Variants in NEDD8 observed in about 807,000 individuals in gnomAD.
NEDD8 encodes ubiquitin-like protein NEDD8.
In NEDD8, 1 loss-of-function variant was observed where a neutral mutation model predicts 13.8. The ratio of observed to expected loss-of-function variants is 0.07; its 90% CI spans 0.03 to 0.34. The LOEUF is 0.34. Among genes scored for constraint, NEDD8 ranks in the 10% least tolerant of loss-of-function variants. The pLI, the probability that NEDD8 is intolerant of heterozygous loss-of-function variation, is 0.99. For synonymous variants in NEDD8, 31 were observed against 33.2 expected (o/e 0.93, Z 0.23); for missense variants, 10 against 95.2 (o/e 0.10, Z 3.73).
intron 1 of NEDD8, among the ~76,000 whole-genome samples, chr14:24,229,711 C>G (rs1056758753): frequency 6.6e-6 from 1 of 152,158 alleles, no homozygotes; most frequent in Non-Finnish European, 1.5e-5. Flanking sequence ...GTACAAAACA[C>G]TTAGCATTAG....
intron 1 of NEDD8, among the ~76,000 whole-genome samples, chr14:24,219,246 G>C (rs535247287): frequency 7.3e-5 from 11 of 151,636 alleles, no homozygotes; most frequent in African/African-American, 1.9e-4. Context: ...AGGATCACTT[G>C]AGCCTAGGAG....
At position 24,217,196 on chromosome 14, in the gene NEDD8, G is replaced by A. The variant is rs778564086; in HGVS notation, c.177C>T (p.Tyr59=). 1 of 1,613,484 alleles carries A rather than the reference G, an allele frequency of 6.2e-7. No homozygotes were observed. The highest frequency in any genetic ancestry group is 8.5e-7 in the Non-Finnish European group (1 of 1,179,764). The change falls in exon 4 of 4, where the codon TAC becomes TAT. Residue 59 remains tyrosine, a synonymous_variant. Transcript: ENST00000250495. ...GAAGGACTGAACCACCTAAAATCTT[G>A]TAATCAGCTGCTGTCTTCTCATCAT... ...QMNDEKTAAD[Y]KILGGSVLHL...
At chr14:24,230,616 CTTTTT>C (rs751786098) in intron 1 of NEDD8, among the ~76,000 whole-genome samples, 1 of 136,380 alleles carries the variant, frequency 7.3e-6, no homozygotes, top group Admixed American at 7.3e-5. Flanking sequence ...CTCTCTCTTT[CTTTTT>C]TTTTTTTGCA....
chr14:24,227,970 C>A (rs556570630), intron 1 of NEDD8: 1 of 152,358 alleles, frequency 6.6e-6, no homozygotes, highest in South Asian at 2.1e-4. Context: ...GTGGCATGTA[C>A]CTGTAGTCCC....
chr14:24,221,194 C>T (rs539505577), intron 1 of NEDD8, among the ~76,000 whole-genome samples: 10 of 152,200 alleles, frequency 6.6e-5, no homozygotes, highest in African/African-American at 1.4e-4. Flanking sequence ...TGTTAATGTC[C>T]TTTCAGAGAA....
In NEDD8 at chr14:24,232,365, T is replaced by TTGGACTTTTGAGTTAATG; in HGVS notation, c.-99_-98insCATTAACTCAAAAGTCCA. 1 of 1,253,974 alleles carries TTGGACTTTTGAGTTAATG rather than the reference T, an allele frequency of 8.0e-7. No homozygotes were observed. The highest frequency in any genetic ancestry group is 1.6e-5 in the African/African-American group (1 of 63,564). 77.7% of individuals were successfully genotyped at this position (1,253,974 alleles called of 1,614,324 possible). ...AGCACTCTTGCCTGCAAGGGCCACT[T>TTGGACTTTTGAGTTAATG]CTACTTCCGGGTCACTGTCTGGCTC... is the stretch of plus-strand genomic sequence containing the variant. On this transcript the variant is annotated 5_prime_UTR_variant, in exon 1 of 4. Coordinates refer to ENST00000250495, the MANE Select transcript of NEDD8 (RefSeq NM_006156.3).
intron 1 of NEDD8, chr14:24,231,515 GTC>G (rs1419160006): frequency 1.3e-5 from 2 of 149,354 alleles, no homozygotes; most frequent in Admixed American, 6.7e-5. Flanking sequence ...GTCTCTGTCT[GTC>G]TGAAGGCACA....
intron 1 of NEDD8, among the ~76,000 whole-genome samples, chr14:24,224,498 G>A (rs2039858845): frequency 6.6e-6 from 1 of 152,196 alleles, no homozygotes; most frequent in African/African-American, 2.4e-5. Flanking sequence ...ACCCGGCTAA[G>A]TTTCAGTTTT....
intron 1 of NEDD8, among the ~76,000 whole-genome samples, chr14:24,222,684 T>A (rs2039826359): frequency 6.6e-6 from 1 of 152,214 alleles, no homozygotes; most frequent in Non-Finnish European, 1.5e-5. Flanking sequence ...TTAATATTTT[T>A]AAACCCAACA....
chr14:24,221,381 A>T (rs771528562), intron 1 of NEDD8, among the ~76,000 whole-genome samples: 21 of 151,104 alleles, frequency 1.4e-4, no homozygotes, highest in Middle Eastern at 3.4e-3. Flanking sequence ...TACTGGGCTC[A>T]GGTGATCCCC....
intron 1 of NEDD8, chr14:24,228,843 G>A (rs1288640269): frequency 6.7e-6 from 1 of 148,240 alleles, no homozygotes; most frequent in Non-Finnish European, 1.5e-5. Flanking sequence ...GCTATCTCAT[G>A]TGTAACTACT....
intron 2 of NEDD8, 27 bp from the exon 3 acceptor site, chr14:24,218,242 T>A: frequency 6.2e-7 from 1 of 1,614,164 alleles, no homozygotes; most frequent in Non-Finnish European, 8.5e-7. Flanking sequence ...AGTCAGGGGC[T>A]GCTGCTTAGG....
Position 24,232,318 on chromosome 14 carries a change from C to T in NEDD8, c.-51G>A. Reference sequence around the variant, plus strand: ...CGGATAAATTGCTGCTCCTACCGCTCCGGTCGCCGCTGCCGCCCTCCAGCA... The same window carrying T: ...CGGATAAATTGCTGCTCCTACCGCTTCGGTCGCCGCTGCCGCCCTCCAGCA... On this transcript the variant is annotated 5_prime_UTR_variant, in exon 1 of 4. Transcript: ENST00000250495. 6.2e-7 allele frequency: 1 copy of T among 1,610,044 alleles called. No homozygotes were observed. Among genetic ancestry groups the T allele is most frequent in the Non-Finnish European group, 8.5e-7 (1 of 1,178,140 alleles).
chr14:24,232,319 C>T lies in NEDD8; in HGVS notation c.-52G>A, dbSNP rs1363417398. The T allele has an allele frequency of 3.1e-6, 5 of 1,605,288 alleles. No homozygotes were observed. In the East Asian group the frequency reaches 8.9e-5, roughly 29 times the overall value. On this transcript the variant is annotated 5_prime_UTR_variant, in exon 1 of 4. Transcript: ENST00000250495. ...GGATAAATTGCTGCTCCTACCGCTC[C>T]GGTCGCCGCTGCCGCCCTCCAGCAC...
chr14:24,218,522 C>T (rs2039746584), intron 1 of NEDD8, 91 bp from the exon 2 acceptor site: 1 of 1,574,202 alleles, frequency 6.4e-7, no homozygotes, highest in Non-Finnish European at 8.7e-7. Context: ...TTGGGATCTA[C>T]TGCCTTCTAA....
intron 1 of NEDD8, chr14:24,231,958 G>C (rs1420514961): frequency 1.2e-5 from 5 of 412,808 alleles, no homozygotes; most frequent in Non-Finnish European, 1.7e-5. Flanking sequence ...ATGACTGCGG[G>C]GGTTCGAATA....
intron 1 of NEDD8, among the ~76,000 whole-genome samples, chr14:24,230,266 G>A (rs910702337): frequency 7.0e-6 from 1 of 143,432 alleles, no homozygotes; most frequent in Non-Finnish European, 1.5e-5. Flanking sequence ...GGGGGAGGGT[G>A]GCTCACACCT....
At chr14:24,220,912 T>G (rs1379250140) in intron 1 of NEDD8, among the ~76,000 whole-genome samples, 1 of 152,208 alleles carries the variant, frequency 6.6e-6, no homozygotes, top group Non-Finnish European at 1.5e-5. Flanking sequence ...AACATATGGT[T>G]TCTCCTTATG....
At chr14:24,229,461 G>A (rs898311934) in intron 1 of NEDD8, among the ~76,000 whole-genome samples, 4 of 152,190 alleles carry the variant, frequency 2.6e-5, no homozygotes, top group Non-Finnish European at 4.4e-5. Flanking sequence ...CTCGTGATCC[G>A]CCCGCCTTGG....
Sources: allele counts gnomAD v4.1 joint callset (sites outside exome capture counted in the v4.1 genomes callset), GRCh38; gene constraint gnomAD v4.1.1; transcripts MANE v1.5; gene names NCBI Gene and HGNC (gene_info 2026-07-23, HGNC 2026-07-21).